ADAM12: variants seen among roughly 807,000 people sequenced by gnomAD.
ADAM12 encodes disintegrin and metalloproteinase domain-containing protein 12.
Under a neutral mutation model 106.4 loss-of-function variants are expected in ADAM12, and 70 were observed. The observed-to-expected ratio is 0.66, with a 90% CI of 0.54 to 0.80. The LOEUF (loss-of-function observed/expected upper bound fraction) is 0.80. Ranked by LOEUF, ADAM12 falls within the 30% of genes least tolerant of loss-of-function variation. The probability of loss-of-function intolerance (pLI) is 0.00; values close to 1 mark genes in which losing one functional copy is unlikely to be tolerated. For missense variants in ADAM12, 1,010 were observed against 1,171.9 expected (o/e 0.86, Z 2.02); for synonymous variants, 420 against 433.5 (o/e 0.97, Z 0.39).
intron 3 of ADAM12, among the ~76,000 whole-genome samples, chr10:126,223,042 C>T (rs919629823): frequency 6.6e-6 from 1 of 152,206 alleles, no homozygotes; most frequent in African/African-American, 2.4e-5. Flanking sequence ...CACAGCTCTG[C>T]CAAATCTACT....
rs1024151040 is a variant in ADAM12, at chr10:126,118,197, G to C, written c.444C>G (p.Ser148Arg). 6.2e-7 allele frequency: 1 copy of C among 1,613,898 alleles called. No homozygotes were observed. The highest frequency in any genetic ancestry group is 8.5e-7 in the Non-Finnish European group (1 of 1,179,872). ...CACTTTTCATTGGTTCTAAGACATA[G>C]CTTTCATTTTCAAACACAATAAGTC... is the stretch of plus-strand genomic sequence containing the variant. ...LRGLIVFENE[S>R]YVLEPMKSAT... The change falls in exon 6 of 23, where the codon AGC (serine) becomes AGG (arginine). Residue 148 changes from serine (S) to arginine (R), a missense_variant. By Grantham distance (110) the Ser-to-Arg change is moderately radical. Around this residue, in one of 3 missense-constraint regions of ADAM12, gnomAD observed 391 missense variants for 442.9 expected, o/e 0.88. Coordinates refer to ENST00000448723, the MANE Select transcript of ADAM12 (RefSeq NM_001288973.2).
intron 2 of ADAM12, among the ~76,000 whole-genome samples, chr10:126,328,589 C>A (rs1854388879): frequency 6.6e-6 from 1 of 152,168 alleles, no homozygotes; most frequent in African/African-American, 2.4e-5. Flanking sequence ...GGTTACCCAC[C>A]AAATATGAGT....
At chr10:126,208,444 G>A (rs775834077) in intron 3 of ADAM12, among the ~76,000 whole-genome samples, 1 of 152,128 alleles carries the variant, frequency 6.6e-6, no homozygotes. Flanking sequence ...TGGTCAGATG[G>A]CTTTCAGAGC....
chr10:126,146,137 T>C (rs899245104), intron 4 of ADAM12, among the ~76,000 whole-genome samples: 5 of 152,154 alleles, frequency 3.3e-5, no homozygotes, highest in African/African-American at 1.2e-4. Context: ...CCTGAGCTGG[T>C]GCAGCCATGT....
Position 126,038,952 on chromosome 10 carries a change from C to CTTTTTTTT in ADAM12, c.2240+334_2240+341dup, listed in dbSNP as rs34277276. Reference sequence around the variant, plus strand: ...CTGTACATTTTCTGAGACACCATTTCTTTTTTTTTTTTTTTTTTTTTTTTT... The same window carrying CTTTTTTTT: ...CTGTACATTTTCTGAGACACCATTTCTTTTTTTTTTTTTTTTTTTTTTTTTTTTTTTTT... On this transcript the variant is annotated intron_variant, in intron 19 of 22. Transcript: ENST00000448723. Among the ~76,000 whole-genome samples the CTTTTTTTT allele has an allele frequency of 2.6e-3, 189 of 71,562 alleles. 6 individuals carry two copies. Among genetic ancestry groups the CTTTTTTTT allele is most frequent in the East Asian group, 4.9e-3 (9 of 1,842 alleles). 46.9% of individuals were successfully genotyped at this position (71,562 alleles called of 152,430 possible). A position where few individuals can be genotyped will look rare whatever the true frequency, so the allele number is the denominator to read the frequency against.
chr10:126,141,009 C>T (rs1227501986), intron 4 of ADAM12, among the ~76,000 whole-genome samples: 1 of 152,200 alleles, frequency 6.6e-6, no homozygotes, highest in Non-Finnish European at 1.5e-5. Flanking sequence ...TGTGCCCTGC[C>T]CAAGGGTGCA....
intron 3 of ADAM12, among the ~76,000 whole-genome samples, chr10:126,198,527 C>A (rs1309450837): frequency 6.6e-6 from 1 of 152,176 alleles, no homozygotes; most frequent in Non-Finnish European, 1.5e-5. Context: ...CAACCAGGGC[C>A]AGTGTAGCCT....
intron 3 of ADAM12, among the ~76,000 whole-genome samples, chr10:126,163,798 A>G (rs1956978128): frequency 6.6e-6 from 1 of 152,232 alleles, no homozygotes; most frequent in African/African-American, 2.4e-5. Context: ...TGAGCTAAAA[A>G]GCAGAAACAA....
At chr10:126,091,662 A>G (rs1458729520) in intron 11 of ADAM12, among the ~76,000 whole-genome samples, 1 of 152,212 alleles carries the variant, frequency 6.6e-6, no homozygotes. Flanking sequence ...TACCATTTCT[A>G]CCTACGGTGT....
chr10:126,071,096 C>T (rs1299086394), intron 12 of ADAM12, among the ~76,000 whole-genome samples: 1 of 152,132 alleles, frequency 6.6e-6, no homozygotes, highest in Non-Finnish European at 1.5e-5. Context: ...ATTCAGATTC[C>T]CCTCTGGTAG....
chr10:126,352,022 C>T (rs1283398819), intron 1 of ADAM12, among the ~76,000 whole-genome samples: 2 of 152,186 alleles, frequency 1.3e-5, no homozygotes, highest in African/African-American at 4.8e-5. Flanking sequence ...CCTCAGAACC[C>T]AGCACTCAAC....
intron 2 of ADAM12, among the ~76,000 whole-genome samples, chr10:126,293,729 C>G (rs1408727449): frequency 6.6e-6 from 1 of 152,134 alleles, no homozygotes; most frequent in African/African-American, 2.4e-5. Context: ...CCATGTTGGC[C>G]AGGCTGGTCT....
chr10:126,243,754 A>G (rs1238163714), intron 3 of ADAM12, among the ~76,000 whole-genome samples: 1 of 152,162 alleles, frequency 6.6e-6, no homozygotes, highest in Non-Finnish European at 1.5e-5. Context: ...ATTTTAGAGA[A>G]CCAGCCAAAT....
At chr10:126,182,687 G>A (rs967553216) in intron 3 of ADAM12, among the ~76,000 whole-genome samples, 2 of 152,182 alleles carry the variant, frequency 1.3e-5, no homozygotes, top group Admixed American at 1.3e-4. Context: ...TGATCATGGT[G>A]GGGCAGAAAT....
intron 13 of ADAM12, 28 bp from the exon 14 acceptor site, chr10:126,065,029 A>G: frequency 6.3e-6 from 10 of 1,586,408 alleles, no homozygotes; most frequent in Non-Finnish European, 8.6e-6. Context: ...TTTATGACAC[A>G]TGCACCCGGG....
intron 3 of ADAM12, among the ~76,000 whole-genome samples, chr10:126,187,190 CT>C (rs1349796866): frequency 6.6e-6 from 1 of 152,126 alleles, no homozygotes; most frequent in Non-Finnish European, 1.5e-5. Flanking sequence ...AACTTTCATA[CT>C]TCTTCTTAAA....
chr10:126,205,604 G>A (rs1353245968), intron 3 of ADAM12, among the ~76,000 whole-genome samples: 2 of 152,190 alleles, frequency 1.3e-5, no homozygotes, highest in Non-Finnish European at 2.9e-5. Context: ...GAAAGGGACA[G>A]GCTTCCACAG....
At chr10:126,236,424 T>C (rs1488681237) in intron 3 of ADAM12, among the ~76,000 whole-genome samples, 2 of 152,214 alleles carry the variant, frequency 1.3e-5, no homozygotes, top group Non-Finnish European at 2.9e-5. Flanking sequence ...GAGTCTCAGA[T>C]GCCTATAGGA....
At chr10:126,056,135 T>C (rs1307617228) in intron 14 of ADAM12, among the ~76,000 whole-genome samples, 1 of 152,206 alleles carries the variant, frequency 6.6e-6, no homozygotes, top group Non-Finnish European at 1.5e-5. Flanking sequence ...AGGTTAACTT[T>C]CTGTCTACCT....
Sources: allele counts gnomAD v4.1 joint callset (sites outside exome capture counted in the v4.1 genomes callset), GRCh38; gene constraint gnomAD v4.1.1; regional missense constraint gnomAD v4.1.1; transcripts MANE v1.5; gene names NCBI Gene and HGNC (gene_info 2026-07-23, HGNC 2026-07-21).